Variants in MYO18A observed in about 807,000 individuals in gnomAD.
MYO18A encodes the protein myosin XVIIIA.
In MYO18A, 78 loss-of-function variants were observed where a neutral mutation model predicts 235.8. The observed-to-expected ratio is 0.33, with a 90% CI of 0.28 to 0.40. The LOEUF (loss-of-function observed/expected upper bound fraction) is 0.40, where lower values mean the gene tolerates loss of function less well. MYO18A is among the 10% of genes least tolerant of loss of function. MYO18A has a pLI of 1.00. For missense variants in MYO18A, 2,215 were observed against 2,699.3 expected (o/e 0.82, Z 3.98); for synonymous variants, 977 against 1,077.8 (o/e 0.91, Z 1.83).
chr17:29,117,935 G>T lies in MYO18A; in HGVS notation c.2038+110C>A. 7.8e-7 allele frequency: 1 copy of T among 1,285,572 alleles called. No homozygotes were observed. Among genetic ancestry groups the T allele is most frequent in the Non-Finnish European group, 1.1e-6 (1 of 943,490 alleles). 79.6% of individuals were successfully genotyped at this position (1,285,572 alleles called of 1,614,324 possible). ...GAAGAGGCACAAGCAAAAGAGGGTT[G>T]TCTCAGAACGGCTAAGTCTGTGCTG... On this transcript the variant is annotated intron_variant, in intron 10 of 41. Coordinates refer to ENST00000527372, the MANE Select transcript of MYO18A (RefSeq NM_078471.4). This position sits in a 1 kb window ranked among gnomAD's most constrained non-coding sequence, Gnocchi z 4.6.
Position 29,094,080 on chromosome 17 carries a change from C to T in MYO18A, c.4721G>A (p.Arg1574His), listed in dbSNP as rs772761503. The change falls in exon 31 of 42, where the codon CGT becomes CAT. Residue 1574 changes from arginine to histidine, a missense_variant. Arg to His is a conservative substitution (Grantham distance 29). Transcript: ENST00000527372. Reference protein sequence around the residue: ...TIQMLEQAKLRLEMEMERMRQ... With the variant: ...TIQMLEQAKLHLEMEMERMRQ... ...CATCCGCTCCATCTCCATCTCCAGA[C>T]GCAGCTTGGCCTGGAGGTGGTTGGA... The T allele has an allele frequency of 1.3e-5, 21 of 1,607,172 alleles. No homozygotes were observed. The highest frequency in any genetic ancestry group is 1.6e-4 in the Middle Eastern group (1 of 6,078).
At chr17:29,179,502 C>T (rs985210824) in intron 1 of MYO18A, among the ~76,000 whole-genome samples, 5 of 152,332 alleles carry the variant, frequency 3.3e-5, no homozygotes, top group Admixed American at 3.3e-4. Flanking sequence ...GCCACCCCTA[C>T]CACCTCCCCT....
intron 2 of MYO18A, chr17:29,155,377 C>T: frequency 6.6e-6 from 1 of 152,616 alleles, no homozygotes; most frequent in Non-Finnish European, 1.5e-5. Flanking sequence ...AGGGCCGGGG[C>T]AGCCTCAGTC....
chr17:29,091,005 C>T, intron 34 of MYO18A, 79 bp from the exon 35 acceptor site: 1 of 1,154,966 alleles, frequency 8.7e-7, no homozygotes. Flanking sequence ...ATGGCAGGGG[C>T]ATTGTAGAGA....
intron 2 of MYO18A, among the ~76,000 whole-genome samples, chr17:29,161,681 C>A (rs1387931165): frequency 6.6e-6 from 1 of 152,208 alleles, no homozygotes; most frequent in Non-Finnish European, 1.5e-5. Context: ...TCCTAAGGGA[C>A]TCCATTTGTC....
chr17:29,119,704 C>T (rs2067153122), intron 7 of MYO18A, among the ~76,000 whole-genome samples: 1 of 151,942 alleles, frequency 6.6e-6, no homozygotes, highest in African/African-American at 2.4e-5. Flanking sequence ...GCTGGGATTA[C>T]AGGCATGCAC....
chr17:29,079,863 C>T (rs2066073924), intron 41 of MYO18A: 1 of 985,862 alleles, frequency 1.0e-6, no homozygotes, highest in African/African-American at 1.7e-5. Context: ...GGCCCTTCTT[C>T]ACACTGGAGC....
intron 21 of MYO18A, among the ~76,000 whole-genome samples, chr17:29,101,556 C>G (rs1830724427): frequency 3.3e-5 from 5 of 152,228 alleles, no homozygotes; most frequent in Admixed American, 3.3e-4. Flanking sequence ...ATCTGCCCAC[C>G]TCAGCCTCCC....
rs1598397125 is a variant in MYO18A, at chr17:29,166,441, A to G, written c.500T>C (p.Val167Ala). The G allele has an allele frequency of 4.3e-6, 7 of 1,613,624 alleles. No individual in the cohort carries two copies. The highest frequency in any genetic ancestry group is 1.7e-5 in the Admixed American group (1 of 60,006). ...CTGTCCCTCTAGAGTCCTCACCTCC[A>G]CCTGTGGCGAGGGGGCGGCAGAGTG... Reference protein sequence around the residue: ...SEHSAAPSPQVEVRTLEGQLV... With the variant: ...SEHSAAPSPQAEVRTLEGQLV... The change falls in exon 2 of 42, where the codon GTG becomes GCG. Residue 167 changes from valine (V) to alanine (A), a missense_variant. Physicochemically the swap from Val to Ala is moderately conservative, Grantham distance 64. Transcript: ENST00000527372.
intron 41 of MYO18A, chr17:29,080,045 T>TGCTCCTTCC (rs1159955675): frequency 2.0e-6 from 2 of 985,872 alleles, no homozygotes; most frequent in Non-Finnish European, 2.4e-6. Flanking sequence ...GAGCTGGAGC[T>TGCTCCTTCC]GCTCCTTCCG....
At chr17:29,122,995 G>A (rs1208396212) in intron 2 of MYO18A, among the ~76,000 whole-genome samples, 2 of 152,250 alleles carry the variant, frequency 1.3e-5, no homozygotes, top group South Asian at 2.1e-4. Context: ...AGATATGGGG[G>A]TAGGGGCAGC....
At chr17:29,169,410 C>T (rs1285142156) in intron 1 of MYO18A, among the ~76,000 whole-genome samples, 1 of 152,108 alleles carries the variant, frequency 6.6e-6, no homozygotes, top group African/African-American at 2.4e-5. Context: ...AACAGGAAAT[C>T]TAGGGCCCAA....
At position 29,099,673 on chromosome 17, in the gene MYO18A, G is replaced by A; in HGVS notation, c.3597C>T (p.Cys1199=). 6.2e-7 allele frequency: 1 copy of A among 1,613,794 alleles called. No homozygotes were observed. Among genetic ancestry groups the A allele is most frequent in the African/African-American group, 1.3e-5 (1 of 75,044 alleles). The change falls in exon 22 of 42, where the codon TGC becomes TGT. Residue 1199 remains cysteine (C), a synonymous_variant. Coordinates refer to ENST00000527372, the MANE Select transcript of MYO18A (RefSeq NM_078471.4). ...SRNLTLFQAA[C]RGYLARQHFK... ...AGTGCTGGCGGGCCAGGTAGCCCCT[G>A]CAGGCTGCTTGGAACAGGGTTAGGT...
intron 2 of MYO18A, among the ~76,000 whole-genome samples, chr17:29,147,533 C>CA (rs1183977188): frequency 1.2e-4 from 18 of 150,846 alleles, no homozygotes; most frequent in African/African-American, 4.4e-4. Context: ...AAACAAAAAA[C>CA]AAAAACCAAA....
At chr17:29,119,950 G>C (rs943355636) in intron 7 of MYO18A, among the ~76,000 whole-genome samples, 1 of 151,898 alleles carries the variant, frequency 6.6e-6, no homozygotes, top group Non-Finnish European at 1.5e-5. Flanking sequence ...ATCACAGCTC[G>C]CTGCAGCCTT....
chr17:29,144,982 T>G (rs2067817601), intron 2 of MYO18A, among the ~76,000 whole-genome samples: 1 of 152,236 alleles, frequency 6.6e-6, no homozygotes, highest in Admixed American at 6.5e-5. Flanking sequence ...CAGCATATAG[T>G]AAAAACACAC....
At chr17:29,132,187 G>T (rs2067489204) in intron 2 of MYO18A, among the ~76,000 whole-genome samples, 1 of 152,242 alleles carries the variant, frequency 6.6e-6, no homozygotes, top group South Asian at 2.1e-4. Context: ...CCAGGAGCTG[G>T]CTGGCCTGAG....
rs757620556 is a variant in MYO18A at position 29,094,633 on chromosome 17, G to A, written c.4710+17C>T. On this transcript the variant is annotated intron_variant, in intron 30 of 41. Transcript: ENST00000527372. Reference sequence around the variant, plus strand: ...CTCGCTGCACCTCACCTCTCCCTTGGCCAAGCCCTCCTGTACCTGTTCCAG... The same window carrying A: ...CTCGCTGCACCTCACCTCTCCCTTGACCAAGCCCTCCTGTACCTGTTCCAG... 6.2e-7 allele frequency: 1 copy of A among 1,613,788 alleles called. No homozygotes were observed. Among genetic ancestry groups the A allele is most frequent in the African/African-American group, 1.3e-5 (1 of 75,028 alleles).
chr17:29,136,966 TG>T (rs1373299265), intron 2 of MYO18A: 1 of 152,182 alleles, frequency 6.6e-6, no homozygotes, highest in Non-Finnish European at 1.5e-5. Flanking sequence ...CCTCCCTCTG[TG>T]GCACTTCTGA....
Sources: gnomAD v4.1 joint callset for allele counts (sites outside exome capture counted in the v4.1 genomes callset) on GRCh38, gnomAD v4.1.1 for gene constraint, Gnocchi (gnomAD v3.1) non-coding constraint, MANE v1.5 for transcripts, NCBI Gene and HGNC (gene_info 2026-07-23, HGNC 2026-07-21) for gene names.